The following PCNX2 variants were observed in gnomAD, a reference collection of about 807,000 sequenced individuals.
PCNX2 encodes the protein pecanex-like protein 2.
In PCNX2, 168 loss-of-function variants were observed where a neutral mutation model predicts 223.8. The ratio of observed to expected loss-of-function variants is 0.75; its 90% CI spans 0.66 to 0.85. PCNX2 has a LOEUF of 0.85. PCNX2 is among the 40% of genes least tolerant of loss of function. The pLI is 0.00. For synonymous variants in PCNX2, 1,006 were observed against 1,052.6 expected (o/e 0.96, Z 0.86); for missense variants, 2,507 against 2,675.5 (o/e 0.94, Z 1.39).
At chr1:233,002,687 G>A (rs1205132687) in intron 28 of PCNX2, among the ~76,000 whole-genome samples, 1 of 152,190 alleles carries the variant, frequency 6.6e-6, no homozygotes, top group Non-Finnish European at 1.5e-5. Flanking sequence ...AAAAGAGACT[G>A]TATAGCCAAT....
chr1:233,193,135 T>G (rs1312491051), intron 15 of PCNX2, among the ~76,000 whole-genome samples: 2 of 149,348 alleles, frequency 1.3e-5, no homozygotes, highest in East Asian at 3.9e-4. Context: ...TATAAACTAG[T>G]ATAATTCCTA....
chr1:233,147,212 T>G (rs1213381255), intron 19 of PCNX2, among the ~76,000 whole-genome samples: 1 of 152,070 alleles, frequency 6.6e-6, no homozygotes, highest in African/African-American at 2.4e-5. Context: ...TAACGTTGAC[T>G]CCCCCAAAAC....
intron 23 of PCNX2, among the ~76,000 whole-genome samples, chr1:233,060,118 A>G (rs1331644988): frequency 6.6e-6 from 1 of 152,232 alleles, no homozygotes; most frequent in Non-Finnish European, 1.5e-5. Context: ...GAACCCAAGT[A>G]TGCTGTTCTA....
chr1:233,179,070 G>A lies in PCNX2; in HGVS notation c.3172C>T (p.Leu1058Phe), dbSNP rs754847046. 1 of 1,613,418 alleles carries A rather than the reference G, an allele frequency of 6.2e-7. No homozygotes were observed. The highest frequency in any genetic ancestry group is 8.5e-7 in the Non-Finnish European group (1 of 1,179,648). Residue 1058 changes from leucine (L) to phenylalanine (F), a missense_variant, in exon 16 of 34, where the codon CTC becomes TTC. Physicochemically the swap from Leu to Phe is conservative, Grantham distance 22 (BLOSUM62 0). This residue lies in a region of PCNX2 where 1,372 missense variants were observed against 1,509.4 expected (regional missense o/e 0.91). Transcript: ENST00000258229. ...LSRQSSDPSV[L>F]MSFIQCRLFP... ...GCACAGGCATAGACCACTCACATGAGTACAGATGGGTCACTGCTCTGACGG... is the reference window on the plus strand; with the variant it reads ...GCACAGGCATAGACCACTCACATGAATACAGATGGGTCACTGCTCTGACGG...
At chr1:233,018,007 G>C (rs970377583) in intron 26 of PCNX2, among the ~76,000 whole-genome samples, 3 of 151,990 alleles carry the variant, frequency 2.0e-5, no homozygotes, top group East Asian at 1.9e-4. Context: ...AAAATAACAG[G>C]GTTTTCAGTT....
chr1:233,133,337 G>A (rs1222593726), intron 21 of PCNX2, among the ~76,000 whole-genome samples: 1 of 152,150 alleles, frequency 6.6e-6, no homozygotes, highest in African/African-American at 2.4e-5. Context: ...GTTAATGAAG[G>A]AAAATAGCTT....
the PCNX2 span, among the ~76,000 whole-genome samples, chr1:233,303,496 A>G: frequency 6.6e-6 from 1 of 152,174 alleles, no homozygotes; most frequent in African/African-American, 2.4e-5. Context: ...GCTTGGGCGA[A>G]AAAGTGGGAC....
chr1:233,073,342 T>C (rs567531344), intron 23 of PCNX2, among the ~76,000 whole-genome samples: 4 of 152,350 alleles, frequency 2.6e-5, no homozygotes, highest in African/African-American at 9.6e-5. Flanking sequence ...CTTTTGATTT[T>C]ATTTATTCTG....
chr1:233,211,788 C>G (rs1362128176), intron 12 of PCNX2: 1 of 985,282 alleles, frequency 1.0e-6, no homozygotes, highest in African/African-American at 1.7e-5. Flanking sequence ...ACTCACCACT[C>G]TTTAAACACA....
chr1:233,265,233 G>T, intron 1 of PCNX2, among the ~76,000 whole-genome samples: 1 of 117,876 alleles, frequency 8.5e-6, no homozygotes, highest in Non-Finnish European at 1.7e-5. Flanking sequence ...GCTACCAAGT[G>T]AGACCCTCTC....
Position 233,288,720 on chromosome 1 carries a change from A to C in PCNX2, c.153+6606T>G, listed in dbSNP as rs1035333021. The C allele has an allele frequency of 4.2e-5, 24 of 578,024 alleles. No homozygotes were observed. The Admixed American group carries it at 7.5e-4, about 18-fold the overall frequency. 35.8% of individuals were successfully genotyped at this position (578,024 alleles called of 1,614,324 possible). A position where few individuals can be genotyped will look rare whatever the true frequency, so the allele number is the denominator to read the frequency against. ...TCCGGAGAAGCAAAAATTGAGAGAC[A>C]ACTGCATGGGATGGCATTCAGCCCA... On this transcript the variant is annotated intron_variant, in intron 1 of 33. Coordinates refer to ENST00000258229, the MANE Select transcript of PCNX2 (RefSeq NM_014801.4).
At chr1:233,065,708 T>C (rs1475573176) in intron 23 of PCNX2, 1 of 150,808 alleles carries the variant, frequency 6.6e-6, no homozygotes, top group Non-Finnish European at 1.5e-5. Context: ...ACCCCTGATC[T>C]GTCTAGCCTG....
chr1:233,254,443 TTA>T (rs1659616720), intron 5 of PCNX2, among the ~76,000 whole-genome samples: 1 of 152,242 alleles, frequency 6.6e-6, no homozygotes, highest in Non-Finnish European at 1.5e-5. Context: ...TCACATCTCT[TTA>T]TCATATCTTA....
At chr1:233,324,645 T>C in the PCNX2 span, among the ~76,000 whole-genome samples, 1 of 145,282 alleles carries the variant, frequency 6.9e-6, no homozygotes, top group African/African-American at 2.6e-5. Flanking sequence ...CTGTTGTCCA[T>C]GCTGGAGTGC....
chr1:233,226,738 C>T (rs1572110890), intron 10 of PCNX2, among the ~76,000 whole-genome samples: 1 of 152,162 alleles, frequency 6.6e-6, no homozygotes, highest in Non-Finnish European at 1.5e-5. Flanking sequence ...ACATCAGATA[C>T]AAGTGAGCAA....
chr1:233,031,925 A>G, intron 25 of PCNX2: 1 of 985,210 alleles, frequency 1.0e-6, no homozygotes, highest in Non-Finnish European at 1.2e-6. Context: ...AATGACCACC[A>G]TAACCTGACT....
chr1:233,129,516 G>A (rs1434624464), intron 21 of PCNX2, among the ~76,000 whole-genome samples: 1 of 152,206 alleles, frequency 6.6e-6, no homozygotes, highest in African/African-American at 2.4e-5. Flanking sequence ...TTCACAGTGC[G>A]GGACTGGCAG....
At chr1:233,167,020 C>A (rs573034170) in intron 17 of PCNX2, among the ~76,000 whole-genome samples, 3 of 151,998 alleles carry the variant, frequency 2.0e-5, no homozygotes, top group Non-Finnish European at 4.4e-5. Flanking sequence ...ACCACGTGCC[C>A]CAGCAACCTC....
intron 28 of PCNX2, among the ~76,000 whole-genome samples, chr1:233,007,998 G>A (rs143977470): frequency 1.3e-5 from 2 of 152,080 alleles, no homozygotes; most frequent in Non-Finnish European, 2.9e-5. Context: ...CTTCTTAAAG[G>A]CCTTCTCAGC....
Sources: allele counts gnomAD v4.1 joint callset (sites outside exome capture counted in the v4.1 genomes callset), GRCh38; gene constraint gnomAD v4.1.1; regional missense constraint gnomAD v4.1.1; transcripts MANE v1.5; gene names NCBI Gene and HGNC (gene_info 2026-07-23, HGNC 2026-07-21).